The following CELF2 variants were observed in gnomAD, a reference collection of about 807,000 sequenced individuals.
The protein encoded by CELF2 is CUG triplet repeat RNA-binding protein 2.
CELF2 carries 8 observed loss-of-function variants against 62.6 expected under a neutral mutation model. The observed-to-expected ratio is 0.13, with a 90% CI of 0.07 to 0.23. The LOEUF (loss-of-function observed/expected upper bound fraction) is 0.23, where lower values mean the gene tolerates loss of function less well. Ranked by LOEUF, CELF2 falls within the 10% of genes least tolerant of loss-of-function variation. The pLI is 1.00. For synonymous variants in CELF2, 258 were observed against 250.0 expected (o/e 1.03, Z -0.30); for missense variants, 333 against 671.0 (o/e 0.50, Z 5.56).
At chr10:10,668,540 T>C in the CELF2 span, among the ~76,000 whole-genome samples, 1 of 152,254 alleles carries the variant, frequency 6.6e-6, no homozygotes, top group Non-Finnish European at 1.5e-5. Context: ...CATTGCATCA[T>C]GTCAAAGACA....
At chr10:10,685,342 C>T in the CELF2 span, among the ~76,000 whole-genome samples, 1 of 152,178 alleles carries the variant, frequency 6.6e-6, no homozygotes, top group Non-Finnish European at 1.5e-5. Flanking sequence ...ATAAAACTTT[C>T]CACAGTACTT....
chr10:11,004,907 T>A (rs2054930116), upstream of CELF2, among the ~76,000 whole-genome samples: 1 of 152,152 alleles, frequency 6.6e-6, no homozygotes, highest in African/African-American at 2.4e-5. This position sits in a 1 kb window ranked among gnomAD's most constrained non-coding sequence, Gnocchi z 5.0. Flanking sequence ...CCCATCCCAA[T>A]CTGTGGTTAC....
chr10:10,879,423 G>C (rs1269027461), intron 1 of CELF2, among the ~76,000 whole-genome samples: 4 of 152,144 alleles, frequency 2.6e-5, no homozygotes, highest in African/African-American at 9.7e-5. Context: ...ATTTAAAAAA[G>C]AAAATCAAAT....
At chr10:11,070,740 TG>T (rs1402286414) in intron 1 of CELF2, among the ~76,000 whole-genome samples, 4 of 152,126 alleles carry the variant, frequency 2.6e-5, no homozygotes, top group Non-Finnish European at 5.9e-5. Flanking sequence ...AACAGTGGCA[TG>T]GGAGAAAACA....
At chr10:10,711,898 CAAAT>C in the CELF2 span, among the ~76,000 whole-genome samples, 1 of 151,862 alleles carries the variant, frequency 6.6e-6, no homozygotes, top group Non-Finnish European at 1.5e-5. Context: ...AGAAAGAAAA[CAAAT>C]AGAGAGGGTA....
the CELF2 span, among the ~76,000 whole-genome samples, chr10:10,734,150 T>A: frequency 3.3e-5 from 5 of 152,210 alleles, no homozygotes; most frequent in Admixed American, 6.5e-5. Flanking sequence ...CTTGTCTTCT[T>A]TTTTATGTGG....
the CELF2 span, among the ~76,000 whole-genome samples, chr10:10,513,761 A>G: frequency 6.6e-6 from 1 of 152,244 alleles, no homozygotes; most frequent in East Asian, 1.9e-4. Context: ...TTTCACTTAC[A>G]GACCATGCCA....
chr10:11,237,546 A>C lies in CELF2; in HGVS notation c.355-11607A>C, dbSNP rs1021209811. Among the ~76,000 whole-genome samples the C allele has an allele frequency of 1.3e-5, 2 of 152,232 alleles. No homozygotes were observed. Among genetic ancestry groups the C allele is most frequent in the Non-Finnish European group, 2.9e-5 (2 of 68,042 alleles). ...GGAGACTTGTTCCCAATTTGAGGCC[A>C]GCACATGTACCAGGTCGTCAAGGGG... On this transcript the variant is annotated intron_variant, in intron 3 of 12. Transcript: ENST00000633077. The surrounding 1 kb of genome is among the most constrained non-coding windows in gnomAD (Gnocchi z 4.0).
chr10:10,552,931 G>T, the CELF2 span, among the ~76,000 whole-genome samples: 1 of 152,162 alleles, frequency 6.6e-6, no homozygotes, highest in African/African-American at 2.4e-5. Flanking sequence ...TCCCTTCCTG[G>T]CTTATAGATG....
chr10:10,729,630 T>C, the CELF2 span, among the ~76,000 whole-genome samples: 1 of 151,680 alleles, frequency 6.6e-6, no homozygotes, highest in Non-Finnish European at 1.5e-5. Context: ...CAAAAAAAAA[T>C]TAGCCAGGCC....
intron 1 of CELF2, among the ~76,000 whole-genome samples, chr10:10,893,564 T>G (rs1462424022): frequency 6.6e-6 from 1 of 152,158 alleles, no homozygotes; most frequent in Non-Finnish European, 1.5e-5. Context: ...CTCACATTGC[T>G]ATAGAGAGAT....
chr10:11,233,808 TA>T (rs1186699576), intron 3 of CELF2, among the ~76,000 whole-genome samples: 3 of 152,296 alleles, frequency 2.0e-5, no homozygotes, highest in Middle Eastern at 3.4e-3. Flanking sequence ...CAGTTGTCAT[TA>T]GGGGTAATAA....
the CELF2 span, among the ~76,000 whole-genome samples, chr10:10,517,092 C>T: frequency 6.6e-6 from 1 of 152,138 alleles, no homozygotes; most frequent in African/African-American, 2.4e-5. Context: ...AAAGAAGGAC[C>T]AGCAACATAA....
At chr10:10,798,672 G>T in exon 1 of CELF2, 1 of 398,766 alleles carries the variant, frequency 2.5e-6, no homozygotes, top group East Asian at 3.6e-5. Flanking sequence ...GGGGCGCCAG[G>T]GCCCGGCCTG....
intron 1 of CELF2, among the ~76,000 whole-genome samples, chr10:10,872,436 AT>A (rs904167183): frequency 6.6e-6 from 1 of 152,300 alleles, no homozygotes; most frequent in African/African-American, 2.4e-5. Flanking sequence ...TGCTTTATGG[AT>A]TTTTTTAAGT....
intron 1 of CELF2, among the ~76,000 whole-genome samples, chr10:11,049,889 C>T (rs537607084): frequency 1.3e-5 from 2 of 152,288 alleles, no homozygotes; most frequent in East Asian, 1.9e-4. Context: ...ATTACCACTG[C>T]GGAGGACTGG....
At chr10:10,817,220 T>C (rs949896890) in intron 1 of CELF2, among the ~76,000 whole-genome samples, 6 of 152,172 alleles carry the variant, frequency 3.9e-5, no homozygotes, top group Non-Finnish European at 8.8e-5. Context: ...TGTGGGTACA[T>C]AGTGGGTGTA....
chr10:10,797,583 A>G (rs774107522), upstream of CELF2, among the ~76,000 whole-genome samples: 1 of 152,230 alleles, frequency 6.6e-6, no homozygotes, highest in Non-Finnish European at 1.5e-5. Context: ...GGAATTTAAT[A>G]TAAAGAAAGA....
the CELF2 span, among the ~76,000 whole-genome samples, chr10:10,509,884 T>C: frequency 1.3e-5 from 2 of 152,130 alleles, no homozygotes; most frequent in African/African-American, 4.8e-5. Context: ...ATTTTCCCCA[T>C]CAACAAGCAC....
Sources: allele counts gnomAD v4.1 joint callset (sites outside exome capture counted in the v4.1 genomes callset), GRCh38; gene constraint gnomAD v4.1.1; non-coding constraint Gnocchi (gnomAD v3.1); transcripts MANE v1.5; gene names NCBI Gene and HGNC (gene_info 2026-07-23, HGNC 2026-07-21).